TFCP2: variants seen among roughly 807,000 people sequenced by gnomAD.
TFCP2 encodes the protein alpha-globin transcription factor CP2.
A neutral mutation model predicts 73.4 loss-of-function variants in TFCP2; 33 were observed. That is an observed-to-expected ratio of 0.45 (90% CI 0.34 to 0.60). TFCP2 has a LOEUF of 0.60. TFCP2 is among the 20% of genes least tolerant of loss of function. The pLI, the probability that TFCP2 is intolerant of heterozygous loss-of-function variation, is 0.01. For missense variants in TFCP2, 352 were observed against 604.0 expected, an observed-to-expected ratio of 0.58 and a Z score of 4.37; for synonymous variants, 193 against 211.6, an observed-to-expected ratio of 0.91 and a Z score of 0.76.
At chr12:51,159,558 C>G (rs1297276331) in intron 1 of TFCP2, among the ~76,000 whole-genome samples, 1 of 151,934 alleles carries the variant, frequency 6.6e-6, no homozygotes, top group Non-Finnish European at 1.5e-5. Context: ...AGGCTGGTCT[C>G]GAACCCACCT....
At chr12:51,104,023 A>G in intron 9 of TFCP2, 132 bp downstream of exon 9, 2 of 990,416 alleles carry the variant, frequency 2.0e-6, no homozygotes, top group South Asian at 2.7e-5. Context: ...GTTCATAGTC[A>G]AAATTCAATA....
At chr12:51,099,002 T>A in intron 12 of TFCP2, 84 bp from the exon 13 acceptor site, 1 of 1,432,032 alleles carries the variant, frequency 7.0e-7, no homozygotes, top group South Asian at 1.3e-5. Flanking sequence ...TGCCCACTTT[T>A]CTGAAGGACT....
intron 1 of TFCP2, among the ~76,000 whole-genome samples, chr12:51,144,181 C>T (rs375116181): frequency 1.1e-4 from 16 of 152,162 alleles, no homozygotes; most frequent in African/African-American, 3.9e-4. Flanking sequence ...TACAGGTGTG[C>T]ACCACCACAC....
chr12:51,132,127 A>G (rs985505294), intron 1 of TFCP2, among the ~76,000 whole-genome samples: 1 of 152,152 alleles, frequency 6.6e-6, no homozygotes, highest in Non-Finnish European at 1.5e-5. Flanking sequence ...AATAATCCAA[A>G]TGTAGTCTTA....
intron 1 of TFCP2, among the ~76,000 whole-genome samples, chr12:51,136,667 G>A (rs1277349708): frequency 6.6e-6 from 1 of 152,022 alleles, no homozygotes. Flanking sequence ...TGGGCACTGT[G>A]GTTCACGCCT....
At chr12:51,128,967 TAA>T (rs1940878101) in intron 1 of TFCP2, among the ~76,000 whole-genome samples, 1 of 151,948 alleles carries the variant, frequency 6.6e-6, no homozygotes, top group Admixed American at 6.6e-5. Context: ...TTAATAAGGA[TAA>T]ATATAAAGTC....
intron 1 of TFCP2, among the ~76,000 whole-genome samples, chr12:51,159,012 A>G: frequency 6.9e-6 from 1 of 144,740 alleles, no homozygotes; most frequent in Admixed American, 6.9e-5. Context: ...AAATCCAAAA[A>G]AAAAAAAAAA....
intron 1 of TFCP2, chr12:51,125,150 G>A (rs1293405709): frequency 5.5e-6 from 4 of 731,716 alleles, no homozygotes; most frequent in Non-Finnish European, 1.0e-5. Flanking sequence ...GTGTGATATT[G>A]ACATTCTGTA....
At chr12:51,106,344 G>C (rs562314557) in intron 8 of TFCP2, among the ~76,000 whole-genome samples, 181 bp downstream of exon 8, 98 of 152,160 alleles carry the variant, frequency 6.4e-4, no homozygotes, top group African/African-American at 2.3e-3. Flanking sequence ...AGAAGAAAGG[G>C]CTATATAAAA....
Position 51,172,326 on chromosome 12 carries a change from G to A in TFCP2, c.97C>T (p.Leu33=), listed in dbSNP as rs1021143968. The change falls in exon 1 of 15, where the codon CTG becomes TTG. Residue 33 remains leucine, a synonymous_variant. Coordinates refer to ENST00000257915, the MANE Select transcript of TFCP2 (RefSeq NM_005653.5). ...CTCATGCTATAGGCACCAGCACCCA[G>A]TTCCTGGCCGATCCCGGACAGGCTA... ...DASLSGIGQE[L]GAGAYSMSDV... is the part of the protein sequence containing the mutation. 1.2e-6 allele frequency: 2 copies of A among 1,614,134 alleles called. No individual in the cohort carries two copies. The highest frequency in any genetic ancestry group is 1.7e-6 in the Non-Finnish European group (2 of 1,180,018).
intron 1 of TFCP2, among the ~76,000 whole-genome samples, chr12:51,147,905 T>C (rs1487804303): frequency 6.6e-6 from 1 of 151,896 alleles, no homozygotes; most frequent in Admixed American, 6.6e-5. Flanking sequence ...AAAGGACTAA[T>C]ATCCAGAATC....
At chr12:51,106,724 G>A in intron 7 of TFCP2, 111 bp from the exon 8 acceptor site, 1 of 825,428 alleles carries the variant, frequency 1.2e-6, no homozygotes, top group South Asian at 1.5e-5. Context: ...TAATTCCTCA[G>A]AGACTCCCAT....
At chr12:51,169,432 C>G (rs1045731891) in intron 1 of TFCP2, among the ~76,000 whole-genome samples, 1 of 150,882 alleles carries the variant, frequency 6.6e-6, no homozygotes, top group Non-Finnish European at 1.5e-5. Flanking sequence ...ACCCGGGAGA[C>G]AGAGGTTGCA....
At chr12:51,139,819 C>T (rs1038298591) in intron 1 of TFCP2, among the ~76,000 whole-genome samples, 1 of 152,166 alleles carries the variant, frequency 6.6e-6, no homozygotes, top group Non-Finnish European at 1.5e-5. Flanking sequence ...TTAATTCATA[C>T]AATAATGCTG....
intron 1 of TFCP2, among the ~76,000 whole-genome samples, chr12:51,129,009 A>G (rs974944809): frequency 3.3e-5 from 5 of 152,178 alleles, no homozygotes; most frequent in Non-Finnish European, 5.9e-5. Context: ...ATCAACAATA[A>G]CAACAAAATG....
intron 1 of TFCP2, among the ~76,000 whole-genome samples, chr12:51,150,610 AAGAG>A (rs1404697050): frequency 2.6e-5 from 4 of 152,192 alleles, no homozygotes; most frequent in Admixed American, 6.6e-5. Context: ...CTCTGAGACA[AAGAG>A]AGAAGATTTG....
chr12:51,094,380 C>CAT lies in TFCP2; in HGVS notation c.*859_*860dup, dbSNP rs1939907453. 1 of 152,166 alleles carries CAT rather than the reference C, an allele frequency of 6.6e-6. No homozygotes were observed. Among genetic ancestry groups the CAT allele is most frequent in the South Asian group, 2.1e-4 (1 of 4,828 alleles). 9.4% of individuals were successfully genotyped at this position (152,166 alleles called of 1,614,324 possible). A position where few individuals can be genotyped will look rare whatever the true frequency, so the allele number is the denominator to read the frequency against. On this transcript the variant is annotated 3_prime_UTR_variant, in exon 15 of 15. Coordinates refer to ENST00000257915, the MANE Select transcript of TFCP2 (RefSeq NM_005653.5). ...TCTTTCAGTGGTTAATTCCTCAGTT[C>CAT]ATACTCAGTGTTATGTTGTAGTCAC...
chr12:51,168,587 C>T (rs1288999930), intron 1 of TFCP2, among the ~76,000 whole-genome samples: 1 of 151,998 alleles, frequency 6.6e-6, no homozygotes, highest in African/African-American at 2.4e-5. Context: ...TGGGCTCAAA[C>T]GATCCTCCCA....
chr12:51,103,635 A>G, intron 10 of TFCP2, 35 bp downstream of exon 10: 2 of 1,578,040 alleles, frequency 1.3e-6, no homozygotes, highest in African/African-American at 1.4e-5. Context: ...GGAAAATTTC[A>G]TGCTAGGGAA....
Sources: allele counts gnomAD v4.1 joint callset (sites outside exome capture counted in the v4.1 genomes callset), GRCh38; gene constraint gnomAD v4.1.1; transcripts MANE v1.5; gene names NCBI Gene and HGNC (gene_info 2026-07-23, HGNC 2026-07-21).